Variants in NCKAP5 observed in about 807,000 individuals in gnomAD.
NCKAP5 encodes NCK associated protein 5, also known as nck-associated protein 5.
Under a neutral mutation model 167.0 loss-of-function variants are expected in NCKAP5, and 92 were observed. That is an observed-to-expected ratio of 0.55 (90% CI 0.47 to 0.66). The LOEUF (loss-of-function observed/expected upper bound fraction) is 0.66, where lower values mean the gene tolerates loss of function less well. Among genes scored for constraint, NCKAP5 ranks in the 30% least tolerant of loss-of-function variants. The pLI, the probability that NCKAP5 is intolerant of heterozygous loss-of-function variation, is 0.00. For missense variants in NCKAP5, 2,378 were observed against 2,315.0 expected, an observed-to-expected ratio of 1.03 and a Z score of -0.56; for synonymous variants, 891 against 877.4, an observed-to-expected ratio of 1.02 and a Z score of -0.27.
chr2:133,651,154 A>G, the NCKAP5 span, among the ~76,000 whole-genome samples: 1 of 152,214 alleles, frequency 6.6e-6, no homozygotes, highest in African/African-American at 2.4e-5. Context: ...GGCAACAATA[A>G]TAAAAATAGA....
chr2:132,852,537 G>A (rs898942573), intron 11 of NCKAP5, among the ~76,000 whole-genome samples: 1 of 152,154 alleles, frequency 6.6e-6, no homozygotes, highest in South Asian at 2.1e-4. Flanking sequence ...CACTCCTGGA[G>A]GTTATTGTTT....
intron 19 of NCKAP5, among the ~76,000 whole-genome samples, chr2:132,692,739 G>A (rs744821): frequency 0.65 from 99,513 of 152,084 alleles, 33,791 homozygotes; most frequent in African/African-American, 0.85. Context: ...CATGTTTAAC[G>A]TGGAAAACCA....
rs567842806 is a variant in NCKAP5 at position 133,499,275 on chromosome 2, T to C, written c.69+18183A>G. On this transcript the variant is annotated intron_variant, in intron 3 of 19. Coordinates refer to ENST00000409261, the MANE Select transcript of NCKAP5 (RefSeq NM_207363.3). ...AGCTTTCAGTAAGAAGTTTTTATTA[T>C]GTGGACATGAGATAAATATTTAACT... is the stretch of plus-strand genomic sequence containing the variant. Among the ~76,000 whole-genome samples, 13 of 152,340 alleles carry C rather than the reference T, an allele frequency of 8.5e-5. No homozygotes were observed. The South Asian group carries it at 2.1e-3, about 24-fold the overall frequency.
intron 7 of NCKAP5, among the ~76,000 whole-genome samples, chr2:132,987,884 G>A (rs1201225430): frequency 6.6e-6 from 1 of 152,140 alleles, no homozygotes; most frequent in African/African-American, 2.4e-5. Flanking sequence ...TAATTTCTCT[G>A]TGCCTCAGTT....
intron 8 of NCKAP5, among the ~76,000 whole-genome samples, chr2:132,951,613 T>A (rs542222832): frequency 1.3e-5 from 2 of 152,330 alleles, no homozygotes; most frequent in African/African-American, 4.8e-5. Flanking sequence ...AAGGTTGCTA[T>A]CAGAAATCAG....
chr2:133,157,129 T>C (rs909666061), intron 5 of NCKAP5, among the ~76,000 whole-genome samples: 4 of 152,218 alleles, frequency 2.6e-5, no homozygotes, highest in Non-Finnish European at 5.9e-5. Flanking sequence ...ATACTGTCAA[T>C]AGCTATTTTC....
chr2:133,647,473 GAAGGAAAGGAAAGGAAAGGA>G, the NCKAP5 span, among the ~76,000 whole-genome samples: 852 of 62,600 alleles, frequency 0.014, 30 homozygotes, highest in East Asian at 0.12. Flanking sequence ...AAGGGCAAGG[GAAGGAAAGGAAAGGAAAGGA>G]AAGGAAAGGA....
chr2:133,006,686 C>T (rs1490761567), intron 6 of NCKAP5, among the ~76,000 whole-genome samples: 1 of 151,988 alleles, frequency 6.6e-6, no homozygotes, highest in Non-Finnish European at 1.5e-5. Context: ...AACAGTCACA[C>T]TGGATCTGAA....
chr2:133,054,368 A>G (rs545789474), intron 6 of NCKAP5, among the ~76,000 whole-genome samples: 1 of 152,344 alleles, frequency 6.6e-6, no homozygotes, highest in South Asian at 2.1e-4. Flanking sequence ...ACAACGTTCT[A>G]TGAGAGATCT....
At chr2:132,825,240 G>A (rs1687043925) in intron 11 of NCKAP5, among the ~76,000 whole-genome samples, 1 of 152,128 alleles carries the variant, frequency 6.6e-6, no homozygotes, top group Non-Finnish European at 1.5e-5. Flanking sequence ...TAGGTGAGTG[G>A]CTAATGAAAC....
intron 8 of NCKAP5, among the ~76,000 whole-genome samples, chr2:132,905,357 G>GT (rs1693928118): frequency 6.6e-6 from 1 of 152,094 alleles, no homozygotes; most frequent in Non-Finnish European, 1.5e-5. Context: ...TTTAATTACT[G>GT]TAAGTTCACA....
At chr2:133,062,797 G>A (rs866022451) in intron 6 of NCKAP5, among the ~76,000 whole-genome samples, 15 of 152,088 alleles carry the variant, frequency 9.9e-5, no homozygotes, top group African/African-American at 3.6e-4. Flanking sequence ...TTGGTGAATC[G>A]ATCTTTATAA....
At chr2:133,552,747 A>T (rs1214098689) in intron 2 of NCKAP5, among the ~76,000 whole-genome samples, 1 of 80,184 alleles carries the variant, frequency 1.2e-5, no homozygotes, top group Non-Finnish European at 3.2e-5. Context: ...AAGTATAATA[A>T]AAAAAAAAGA....
the NCKAP5 span, among the ~76,000 whole-genome samples, chr2:133,627,935 T>C: frequency 6.6e-6 from 1 of 152,168 alleles, no homozygotes; most frequent in Non-Finnish European, 1.5e-5. Flanking sequence ...GTACTTCCCT[T>C]GGCCAACCAG....
At chr2:132,962,995 G>A (rs73956087) in intron 8 of NCKAP5, among the ~76,000 whole-genome samples, 8,281 of 151,510 alleles carry the variant, frequency 0.055, 742 homozygotes, top group African/African-American at 0.19. Context: ...TAAGCTTATC[G>A]AAAGGACGTA....
intron 3 of NCKAP5, among the ~76,000 whole-genome samples, chr2:133,395,987 C>G (rs562281851): frequency 6.6e-6 from 1 of 152,210 alleles, no homozygotes; most frequent in African/African-American, 2.4e-5. Flanking sequence ...GTTTCTTTCT[C>G]TCACCATCTC....
In NCKAP5 at chr2:133,330,983, C is replaced by T. The variant is rs544875914; in HGVS notation, c.70-27873G>A. 5.3e-5 allele frequency among the ~76,000 whole-genome samples: 8 copies of T among 152,292 alleles called. No homozygotes were observed. The South Asian group carries it at 1.5e-3, about 28-fold the overall frequency. ...ACATACACAGACATACATGCACACA[C>T]ACTCCCACTGTACCATGTGCTATTA... On this transcript the variant is annotated intron_variant, in intron 3 of 19. Coordinates refer to ENST00000409261, the MANE Select transcript of NCKAP5 (RefSeq NM_207363.3).
At chr2:133,202,138 C>A (rs1247984893) in intron 5 of NCKAP5, among the ~76,000 whole-genome samples, 2 of 152,164 alleles carry the variant, frequency 1.3e-5, no homozygotes, top group African/African-American at 4.8e-5. Context: ...TCAAACTATA[C>A]TACAAGGCTA....
At chr2:132,771,303 A>G (rs940907988) in intron 16 of NCKAP5, among the ~76,000 whole-genome samples, 1 of 152,206 alleles carries the variant, frequency 6.6e-6, no homozygotes, top group Middle Eastern at 3.2e-3. Context: ...TTAACAAAAA[A>G]TTTAAAATGG....
Sources: gnomAD v4.1 joint callset for allele counts (sites outside exome capture counted in the v4.1 genomes callset) on GRCh38, gnomAD v4.1.1 for gene constraint, MANE v1.5 for transcripts, NCBI Gene and HGNC (gene_info 2026-07-23, HGNC 2026-07-21) for gene names.